The following DPYSL2 variants were observed in gnomAD, a reference collection of about 807,000 sequenced individuals.
DPYSL2 encodes dihydropyrimidinase like 2.
Under a neutral mutation model 69.9 loss-of-function variants are expected in DPYSL2, and 13 were observed. The ratio of observed to expected loss-of-function variants is 0.19; its 90% CI spans 0.12 to 0.30. The LOEUF is 0.30. Among genes scored for constraint, DPYSL2 ranks in the 10% least tolerant of loss-of-function variants. The pLI is 1.00. For synonymous variants in DPYSL2, 326 were observed against 359.1 expected, an observed-to-expected ratio of 0.91 and a Z score of 1.04; for missense variants, 587 against 918.9, an observed-to-expected ratio of 0.64 and a Z score of 4.67.
chr8:26,596,617 G>C (rs553415061), intron 3 of DPYSL2, among the ~76,000 whole-genome samples: 1 of 152,340 alleles, frequency 6.6e-6, no homozygotes, highest in South Asian at 2.1e-4. Context: ...GAATCTGTGG[G>C]ACGCAAGCCC....
rs1032768264 is a variant in DPYSL2, at chr8:26,657,191, T to C, written c.*1485T>C. The C allele has an allele frequency of 6.5e-6, 1 of 152,702 alleles. No individual in the cohort carries two copies. The highest frequency in any genetic ancestry group is 1.9e-4 in the East Asian group (1 of 5,190). The allele number at this position is 152,702 out of a possible 1,614,324, so 9.5% of individuals were successfully genotyped here. On this transcript the variant is annotated 3_prime_UTR_variant, in exon 14 of 14. Coordinates refer to ENST00000521913, the MANE Select transcript of DPYSL2 (RefSeq NM_001197293.3). ...GAGGAGAAATGTGTTTTATGAACGA[T>C]AGATCACATCAGAACTCCTGTGGGG... is the stretch of plus-strand genomic sequence containing the variant.
chr8:26,589,464 A>G (rs1801674858), intron 3 of DPYSL2, among the ~76,000 whole-genome samples: 1 of 152,254 alleles, frequency 6.6e-6, no homozygotes, highest in Non-Finnish European at 1.5e-5. Context: ...GAGTGAATGA[A>G]TGAATGACTG....
At chr8:26,550,297 T>G (rs768347944) in intron 1 of DPYSL2, among the ~76,000 whole-genome samples, 17 of 152,164 alleles carry the variant, frequency 1.1e-4, no homozygotes, top group Non-Finnish European at 2.4e-4. Flanking sequence ...ACATAATTGA[T>G]TTTTTGAGAG....
At chr8:26,607,482 C>CAAA (rs543475606) in intron 3 of DPYSL2, among the ~76,000 whole-genome samples, 3 of 105,900 alleles carry the variant, frequency 2.8e-5, no homozygotes, top group South Asian at 3.0e-4. Flanking sequence ...GACTCTGTCT[C>CAAA]AAAAAAAAAA....
At chr8:26,618,481 GTTTTT>G (rs11287159) in intron 3 of DPYSL2, among the ~76,000 whole-genome samples, 1 of 94,188 alleles carries the variant, frequency 1.1e-5, no homozygotes, top group Non-Finnish European at 2.1e-5. Flanking sequence ...CCCGGGTAAT[GTTTTT>G]TTTTTTTTTT....
In DPYSL2 at chr8:26,644,147, T is replaced by C; in HGVS notation, c.1425+56T>C. ...CTCTCAGCCTTCCTTGTCCTCCTCA[T>C]CTGGGGGCCATGGGGCTCATGGAGG... On this transcript the variant is annotated intron_variant, in intron 10 of 13. Coordinates refer to ENST00000521913, the MANE Select transcript of DPYSL2 (RefSeq NM_001197293.3). The surrounding 1 kb of genome is among the most constrained non-coding windows in gnomAD (Gnocchi z 4.5). The C allele has an allele frequency of 3.2e-6, 5 of 1,587,272 alleles. No homozygotes were observed. Among genetic ancestry groups the C allele is most frequent in the Non-Finnish European group, 4.3e-6 (5 of 1,165,038 alleles).
chr8:26,547,081 G>T (rs746036687), intron 1 of DPYSL2, among the ~76,000 whole-genome samples: 1 of 151,990 alleles, frequency 6.6e-6, no homozygotes, highest in Non-Finnish European at 1.5e-5. Flanking sequence ...GCTTACTAGA[G>T]GCCAGGAGCG....
At chr8:26,569,039 T>G (rs1801195417) in intron 1 of DPYSL2, among the ~76,000 whole-genome samples, 1 of 152,114 alleles carries the variant, frequency 6.6e-6, no homozygotes, top group Admixed American at 6.5e-5. Context: ...GTCAGGTGAA[T>G]CCTCACCATC....
At chr8:26,651,693 G>T (rs1803282525) in intron 11 of DPYSL2, among the ~76,000 whole-genome samples, 1 of 152,196 alleles carries the variant, frequency 6.6e-6, no homozygotes, top group Non-Finnish European at 1.5e-5. Context: ...GAAACCAGAA[G>T]GATAGCTACA....
intron 1 of DPYSL2, among the ~76,000 whole-genome samples, chr8:26,515,775 A>G (rs1808276820): frequency 6.6e-6 from 1 of 152,254 alleles, no homozygotes; most frequent in Non-Finnish European, 1.5e-5. Context: ...TAAAAATAAT[A>G]AGTCAATCAA....
intron 1 of DPYSL2, among the ~76,000 whole-genome samples, chr8:26,576,649 G>A (rs989638078): frequency 2.0e-5 from 3 of 152,246 alleles, no homozygotes; most frequent in Non-Finnish European, 4.4e-5. Flanking sequence ...GGGGCCTTGA[G>A]TGCCGTTTGA....
chr8:26,556,354 A>ATATATATAGTATATATATAG (rs796496998), intron 1 of DPYSL2, among the ~76,000 whole-genome samples: 3 of 14,064 alleles, frequency 2.1e-4, no homozygotes, highest in African/African-American at 8.3e-4. Flanking sequence ...TATATATAGT[A>ATATATATAGTATATATATAG]TATATATATA....
At position 26,571,123 on chromosome 8, in the gene DPYSL2, C is replaced by A. The variant is rs1056621914; in HGVS notation, c.355-10846C>A. Among the ~76,000 whole-genome samples the A allele has an allele frequency of 2.0e-5, 3 of 152,140 alleles. No individual in the cohort carries two copies. Among genetic ancestry groups the A allele is most frequent in the African/African-American group, 7.2e-5 (3 of 41,416 alleles). The stretch of plus-strand genomic sequence containing the variant: ...CAGTGATGCCCTGTGGTGAGTGGAC[C>A]CCTCACTAGGTAGGGAGTGAGCCCT... On this transcript the variant is annotated intron_variant, in intron 1 of 13. Transcript: ENST00000521913. This position sits in a 1 kb window ranked among gnomAD's most constrained non-coding sequence, Gnocchi z 6.1.
At chr8:26,607,953 T>C (rs1268577286) in intron 3 of DPYSL2, among the ~76,000 whole-genome samples, 1 of 151,792 alleles carries the variant, frequency 6.6e-6, no homozygotes, top group Non-Finnish European at 1.5e-5. Flanking sequence ...GGCACGCACC[T>C]GTAGTCCTAG....
intron 3 of DPYSL2, among the ~76,000 whole-genome samples, chr8:26,590,680 G>A (rs1801704824): frequency 6.6e-6 from 1 of 151,936 alleles, no homozygotes; most frequent in African/African-American, 2.4e-5. Context: ...GCCTTGAACG[G>A]CTGGACTGGA....
chr8:26,636,245 G>A (rs1255919244), intron 8 of DPYSL2, among the ~76,000 whole-genome samples: 1 of 152,210 alleles, frequency 6.6e-6, no homozygotes, highest in African/African-American at 2.4e-5. Flanking sequence ...TGTGGATGAC[G>A]ATGGAATCGG....
At chr8:26,612,847 T>C (rs1398101107) in intron 3 of DPYSL2, among the ~76,000 whole-genome samples, 1 of 152,140 alleles carries the variant, frequency 6.6e-6, no homozygotes, top group Non-Finnish European at 1.5e-5. Context: ...TGCTCCCAGT[T>C]TGGGGTTTGA....
Position 26,619,310 on chromosome 8 carries a change from G to A in DPYSL2, c.629-4833G>A, listed in dbSNP as rs1284127949. 1.2e-4 allele frequency among the ~76,000 whole-genome samples: 19 copies of A among 152,172 alleles called. No homozygotes were observed. Among genetic ancestry groups the A allele is most frequent in the Admixed American group, 1.2e-3 (18 of 15,274 alleles). ...AGAAAACTGTGGGAAAACATTTGGA[G>A]GCATTTCATGGACACGTTTCTGAGT... On this transcript the variant is annotated intron_variant, in intron 3 of 13. Coordinates refer to ENST00000521913, the MANE Select transcript of DPYSL2 (RefSeq NM_001197293.3). This position sits in a 1 kb window ranked among gnomAD's most constrained non-coding sequence, Gnocchi z 4.8.
intron 10 of DPYSL2, among the ~76,000 whole-genome samples, chr8:26,645,292 G>A (rs1039242896): frequency 4.6e-5 from 7 of 152,004 alleles, no homozygotes; most frequent in Non-Finnish European, 8.8e-5. Flanking sequence ...CCAGCTACTC[G>A]GTGTGGGGGA....
Sources: gnomAD v4.1 joint callset for allele counts (sites outside exome capture counted in the v4.1 genomes callset) on GRCh38, gnomAD v4.1.1 for gene constraint, Gnocchi (gnomAD v3.1) non-coding constraint, MANE v1.5 for transcripts, NCBI Gene and HGNC (gene_info 2026-07-23, HGNC 2026-07-21) for gene names.